The following SPATA6L variants were observed in gnomAD, a reference collection of about 807,000 sequenced individuals.
SPATA6L encodes the protein spermatogenesis associated 6 like.
In SPATA6L, 68 loss-of-function variants were observed where a neutral mutation model predicts 49.2. That is an observed-to-expected ratio of 1.38 (90% CI 1.14 to 1.69). SPATA6L has a LOEUF of 1.69. Among genes scored for constraint, SPATA6L ranks in the 40% most tolerant of loss-of-function variants. The pLI, the probability that SPATA6L is intolerant of heterozygous loss-of-function variation, is 0.00. For missense variants in SPATA6L, 668 were observed against 464.3 expected (o/e 1.44, Z -4.03); for synonymous variants, 198 against 165.7 (o/e 1.19, Z -1.50).
At position 4,635,533 on chromosome 9, in the gene SPATA6L, C is replaced by G. The variant is rs897572080; in HGVS notation, c.227-134G>C. 6.5e-6 allele frequency: 5 copies of G among 769,622 alleles called. No individual in the cohort carries two copies. The African/African-American group carries it at 7.4e-5, about 11-fold the overall frequency. The allele number at this position is 769,622 out of a possible 1,614,324, so 47.7% of individuals were successfully genotyped here. A position where few individuals can be genotyped will look rare whatever the true frequency, so the allele number is the denominator to read the frequency against. On this transcript the variant is annotated intron_variant, in intron 3 of 11. Transcript: ENST00000682582. ...CATATTGATCCTAGCACATGTTATT[C>G]AAGAGGAGACTAATTTCTACTACTT...
downstream of SPATA6L, among the ~76,000 whole-genome samples, chr9:4,593,791 G>A (rs901693978): frequency 5.3e-5 from 8 of 152,018 alleles, no homozygotes; most frequent in African/African-American, 1.9e-4. Context: ...ATTCTGCCCC[G>A]CCTGACCGTT....
Position 4,662,187 on chromosome 9 carries a change from C to T in SPATA6L, c.40-151G>A. 2 of 1,440,190 alleles carry T rather than the reference C, an allele frequency of 1.4e-6. No individual in the cohort carries two copies. Among genetic ancestry groups the T allele is most frequent in the African/African-American group, 1.4e-5 (1 of 69,676 alleles). The allele number at this position is 1,440,190 out of a possible 1,614,324, so 89.2% of individuals were successfully genotyped here. A position where few individuals can be genotyped will look rare whatever the true frequency, so the allele number is the denominator to read the frequency against. On this transcript the variant is annotated intron_variant, in intron 1 of 11. Coordinates refer to ENST00000682582, the MANE Select transcript of SPATA6L (RefSeq NM_001353486.2). The surrounding 1 kb of genome is among the most constrained non-coding windows in gnomAD (Gnocchi z 4.9). The stretch of plus-strand genomic sequence containing the variant: ...ACCTGTACCTCCCAACGCCAACATC[C>T]TCCCCTCTGCTCTCCTCACATTGGA...
chr9:4,638,624 C>T (rs923627242), intron 3 of SPATA6L, among the ~76,000 whole-genome samples: 11 of 152,030 alleles, frequency 7.2e-5, no homozygotes, highest in African/African-American at 2.4e-4. Context: ...ATCCTCCCAC[C>T]CTTGTTGGCC....
intron 3 of SPATA6L, among the ~76,000 whole-genome samples, chr9:4,640,626 C>T (rs1324243862): frequency 5.9e-5 from 9 of 152,134 alleles, no homozygotes; most frequent in Admixed American, 5.2e-4. Context: ...CTCACTGCCA[C>T]TACTACGTGC....
intron 2 of SPATA6L, among the ~76,000 whole-genome samples, chr9:4,657,608 T>A (rs73395737): frequency 0.049 from 7,466 of 152,174 alleles, 394 homozygotes; most frequent in African/African-American, 0.12. Context: ...AAGGAGCGAT[T>A]CATAAACTAG....
chr9:4,623,045 C>T (rs1190965882), intron 6 of SPATA6L, among the ~76,000 whole-genome samples: 1 of 152,062 alleles, frequency 6.6e-6, no homozygotes, highest in Non-Finnish European at 1.5e-5. Flanking sequence ...TTTGGGAGGC[C>T]GAGGAGGGTG....
chr9:4,611,219 C>G (rs1486802286), intron 9 of SPATA6L, among the ~76,000 whole-genome samples: 2 of 145,454 alleles, frequency 1.4e-5, no homozygotes, highest in Non-Finnish European at 3.0e-5. Flanking sequence ...ACTAGTTCAA[C>G]CATTGTGGAA....
intron 9 of SPATA6L, among the ~76,000 whole-genome samples, chr9:4,609,879 T>C (rs1262341088): frequency 6.6e-6 from 1 of 151,968 alleles, no homozygotes. Context: ...GACGACATGA[T>C]TGTGTGTGCA....
intron 9 of SPATA6L, among the ~76,000 whole-genome samples, chr9:4,611,540 T>C: frequency 6.7e-6 from 1 of 148,428 alleles, no homozygotes; most frequent in Non-Finnish European, 1.5e-5. Flanking sequence ...CAGTAAACTA[T>C]CGCAAGAACA....
In SPATA6L at chr9:4,591,086, C is replaced by T. The variant is rs79266513; in HGVS notation, c.*255-2125G>A. Among the ~76,000 whole-genome samples the T allele has an allele frequency of 9.8e-3, 1,493 of 152,234 alleles. 23 individuals are homozygous for T. The highest frequency in any genetic ancestry group is 0.034 in the African/African-American group (1,425 of 41,540). On this transcript the variant is annotated intron_variant and NMD_transcript_variant, in intron 13 of 13. Coordinates refer to the SPATA6L transcript ENST00000461761. ...CCAGGATTTGCTTTGCCTTTGTCTG[C>T]GCCCCATGGAAAGTACCTTTTCCAA... is the stretch of plus-strand genomic sequence containing the variant.
Position 4,598,624 on chromosome 9 carries a change from T to C in SPATA6L, c.*2187A>G, listed in dbSNP as rs1166329457. Reference sequence around the variant, plus strand: ...TTATTAAAGAGTTATGCTTAAACCATTTCAAAAAACACTGAATATTGAATG... The same window carrying C: ...TTATTAAAGAGTTATGCTTAAACCACTTCAAAAAACACTGAATATTGAATG... On this transcript the variant is annotated 3_prime_UTR_variant, in exon 12 of 12. Coordinates refer to ENST00000682582, the MANE Select transcript of SPATA6L (RefSeq NM_001353486.2). 6.6e-6 allele frequency among the ~76,000 whole-genome samples: 1 copy of C among 152,216 alleles called. No individual in the cohort carries two copies. Among genetic ancestry groups the C allele is most frequent in the Non-Finnish European group, 1.5e-5 (1 of 68,040 alleles).
chr9:4,625,372 A>C lies in SPATA6L; in HGVS notation c.624T>G (p.Asn208Lys), dbSNP rs772451227. The change falls in exon 6 of 12, where the codon AAT (asparagine) becomes AAG (lysine). Residue 208 changes from asparagine (N) to lysine (K), a missense_variant. Physicochemically the swap from Asn to Lys is moderately conservative, Grantham distance 94. Coordinates refer to ENST00000682582, the MANE Select transcript of SPATA6L (RefSeq NM_001353486.2). Reference protein sequence around the residue: ...DQPAQLNLGNNFKISGGSKPP... With the variant: ...DQPAQLNLGNKFKISGGSKPP... The stretch of plus-strand genomic sequence containing the variant: ...GCTTGCTTCCTCCAGAGATTTTGAA[A>C]TTATTTCCAAGGTTCAACTGAGCTG... 1.2e-6 allele frequency: 2 copies of C among 1,614,098 alleles called. No individual in the cohort carries two copies. Among genetic ancestry groups the C allele is most frequent in the Non-Finnish European group, 1.7e-6 (2 of 1,179,994 alleles).
At position 4,605,446 on chromosome 9, in the gene SPATA6L, C is replaced by G; in HGVS notation, c.996-6G>C. On this transcript the variant is annotated splice_polypyrimidine_tract_variant and splice_region_variant and intron_variant, in intron 9 of 11. Transcript: ENST00000682582. ...ACTGAGAACCAGGATGGAACCTGCT[C>G]AACAGATGGAACAGGGTGGAATATT... 2.5e-6 allele frequency: 4 copies of G among 1,608,256 alleles called. No individual in the cohort carries two copies. In the South Asian group the frequency reaches 3.3e-5, roughly 13 times the overall value.
rs1470081955 is a variant in SPATA6L at position 4,598,744 on chromosome 9, C to T, written c.*2067G>A. Among the ~76,000 whole-genome samples, 1 of 152,226 alleles carries T rather than the reference C, an allele frequency of 6.6e-6. No individual in the cohort carries two copies. The highest frequency in any genetic ancestry group is 1.5e-5 in the Non-Finnish European group (1 of 68,038). On this transcript the variant is annotated 3_prime_UTR_variant, in exon 12 of 12. Transcript: ENST00000682582. ...TTACGTAAGCAGCCCTCTCCTGAGA[C>T]TTATAGCGTAACCTTAATGTAACAC...
At position 4,662,881 on chromosome 9, in the gene SPATA6L, T is replaced by C. The variant is rs1840192486; in HGVS notation, c.40-845A>G. The C allele has an allele frequency of 1.2e-6, 2 of 1,606,542 alleles. No individual in the cohort carries two copies. Among genetic ancestry groups the C allele is most frequent in the African/African-American group, 1.3e-5 (1 of 74,886 alleles). ...GCCGGGCGCGAGGTGCTGATGAACC[T>C]GCTCTTCGCCCTGCTGTTGGACCTG... On this transcript the variant is annotated intron_variant, in intron 1 of 11. Coordinates refer to ENST00000682582, the MANE Select transcript of SPATA6L (RefSeq NM_001353486.2). The surrounding 1 kb of genome is among the most constrained non-coding windows in gnomAD (Gnocchi z 4.9).
intron 7 of SPATA6L, among the ~76,000 whole-genome samples, chr9:4,620,199 C>T (rs1432873271): frequency 6.6e-6 from 1 of 152,092 alleles, no homozygotes; most frequent in Admixed American, 6.6e-5. Flanking sequence ...GCCCTGTGGC[C>T]TCATAACCTC....
Position 4,634,230 on chromosome 9 carries a change from C to T in SPATA6L, c.351+1045G>A, listed in dbSNP as rs187348144. On this transcript the variant is annotated intron_variant, in intron 4 of 11. Transcript: ENST00000682582. Reference sequence around the variant, plus strand: ...CTACCTAATTCTCATCAGTTTTTAACCCCTTTTATCTTCTGAAGAGCAATA... The same window carrying T: ...CTACCTAATTCTCATCAGTTTTTAATCCCTTTTATCTTCTGAAGAGCAATA... Among the ~76,000 whole-genome samples the T allele has an allele frequency of 1.6e-4, 24 of 152,288 alleles. No homozygotes were observed. In the East Asian group the frequency reaches 4.6e-3, roughly 29 times the overall value.
intron 13 of SPATA6L, among the ~76,000 whole-genome samples, chr9:4,590,530 C>T (rs1369096766): frequency 1.3e-5 from 2 of 152,174 alleles, no homozygotes; most frequent in Non-Finnish European, 2.9e-5. Flanking sequence ...AAGTTCAAAA[C>T]AGTTATGAGT....
intron 3 of SPATA6L, among the ~76,000 whole-genome samples, chr9:4,655,433 G>C (rs1837911677): frequency 6.6e-6 from 1 of 152,134 alleles, no homozygotes; most frequent in Non-Finnish European, 1.5e-5. Flanking sequence ...GCCGCTTTTT[G>C]TGGTGATAAA....
Sources: allele counts gnomAD v4.1 joint callset (sites outside exome capture counted in the v4.1 genomes callset), GRCh38; gene constraint gnomAD v4.1.1; non-coding constraint Gnocchi (gnomAD v3.1); transcripts MANE v1.5; gene names NCBI Gene and HGNC (gene_info 2026-07-23, HGNC 2026-07-21).